The following TFAP2B variants were observed in gnomAD, a reference collection of about 807,000 sequenced individuals.
TFAP2B encodes the protein transcription factor AP-2-beta.
A neutral mutation model predicts 44.3 loss-of-function variants in TFAP2B; 9 were observed. The observed-to-expected ratio is 0.20, with a 90% CI of 0.12 to 0.35. The LOEUF (loss-of-function observed/expected upper bound fraction) is 0.35. TFAP2B is among the 10% of genes least tolerant of loss of function. The probability of loss-of-function intolerance (pLI) is 1.00; values close to 1 mark genes in which losing one functional copy is unlikely to be tolerated. For missense variants in TFAP2B, 509 were observed against 600.0 expected (o/e 0.85, Z 1.59); for synonymous variants, 270 against 263.8 (o/e 1.02, Z -0.23).
At chr6:50,840,078 G>T in intron 5 of TFAP2B, 78 bp from the exon 6 acceptor site, 1 of 1,586,082 alleles carries the variant, frequency 6.3e-7, no homozygotes, top group South Asian at 1.1e-5. Flanking sequence ...TACTAACAAA[G>T]CTGACAAGGG....
intron 6 of TFAP2B, among the ~76,000 whole-genome samples, chr6:50,842,069 G>A (rs1313364421): frequency 6.6e-6 from 1 of 152,186 alleles, no homozygotes; most frequent in Non-Finnish European, 1.5e-5. Context: ...ACCCATTGTG[G>A]GTCTAGGACT....
At chr6:50,838,212 C>A in intron 5 of TFAP2B, 119 bp downstream of exon 5, 1 of 925,720 alleles carries the variant, frequency 1.1e-6, no homozygotes, top group Non-Finnish European at 1.8e-6. Context: ...CTCTTATGAG[C>A]TGGATGTCAA....
At chr6:50,821,399 T>A (rs1770341279) in intron 1 of TFAP2B, among the ~76,000 whole-genome samples, 1 of 152,180 alleles carries the variant, frequency 6.6e-6, no homozygotes, top group Non-Finnish European at 1.5e-5. Flanking sequence ...GAAGCAACCC[T>A]TTTTATTTTG....
At chr6:50,824,642 T>A (rs921938209) in intron 2 of TFAP2B, among the ~76,000 whole-genome samples, 10 of 152,196 alleles carry the variant, frequency 6.6e-5, no homozygotes, top group African/African-American at 1.9e-4. Context: ...ATTAACACTC[T>A]TCTCTCCCCA....
intron 1 of TFAP2B, chr6:50,822,058 G>T (rs1360745429): frequency 1.2e-5 from 13 of 1,091,080 alleles, no homozygotes; most frequent in Non-Finnish European, 1.5e-5. Flanking sequence ...TGTCCAGCTC[G>T]CTTCTCTGCT....
At chr6:50,828,924 G>T (rs909487412) in intron 3 of TFAP2B, among the ~76,000 whole-genome samples, 2 of 152,170 alleles carry the variant, frequency 1.3e-5, no homozygotes, top group African/African-American at 4.8e-5. Flanking sequence ...TTTTCTCATG[G>T]CATATTTGGT....
intron 3 of TFAP2B, among the ~76,000 whole-genome samples, chr6:50,833,729 T>C (rs1040132538): frequency 2.6e-5 from 4 of 152,090 alleles, no homozygotes; most frequent in Non-Finnish European, 5.9e-5. Flanking sequence ...CAGGGTGGTT[T>C]ATAACATTTC....
chr6:50,827,023 T>C (rs771145839), intron 2 of TFAP2B, among the ~76,000 whole-genome samples: 1 of 152,186 alleles, frequency 6.6e-6, no homozygotes. Flanking sequence ...CGTAATTAGA[T>C]AGAAAATCAG....
chr6:50,825,091 G>C (rs1770466116), intron 2 of TFAP2B, among the ~76,000 whole-genome samples: 1 of 152,154 alleles, frequency 6.6e-6, no homozygotes, highest in Non-Finnish European at 1.5e-5. Flanking sequence ...AATGCTGTCT[G>C]TGTGTGGTCT....
intron 6 of TFAP2B, among the ~76,000 whole-genome samples, chr6:50,841,015 G>A (rs998723144): frequency 1.3e-5 from 2 of 152,242 alleles, no homozygotes; most frequent in African/African-American, 4.8e-5. Context: ...GGAGGACGCG[G>A]TTTGTCCCGT....
At position 50,846,361 on chromosome 6, in the gene TFAP2B, A is replaced by G. The variant is rs1432725307; in HGVS notation, c.*2969A>G. The G allele has an allele frequency of 1.3e-5, 2 of 152,626 alleles. No homozygotes were observed. Among genetic ancestry groups the G allele is most frequent in the Admixed American group, 1.3e-4 (2 of 15,282 alleles). 9.5% of individuals were successfully genotyped at this position (152,626 alleles called of 1,614,324 possible). On this transcript the variant is annotated 3_prime_UTR_variant, in exon 7 of 7. Transcript: ENST00000393655. ...GGTTTCCTTGGGCCTATAAATCAAT[A>G]AACAGTAGGATTAACGCAATAGTTT...
rs754244526 is a variant in TFAP2B, at chr6:50,843,383, C to G, written c.1374C>G (p.His458Gln). 2 of 1,612,398 alleles carry G rather than the reference C, an allele frequency of 1.2e-6. No individual in the cohort carries two copies. The highest frequency in any genetic ancestry group is 8.5e-7 in the Non-Finnish European group (1 of 1,179,658). ...GSKTGDKEEK[H>Q]RK ...AAACTGGCGACAAGGAGGAGAAACA[C>G]AGGAAATGAAAAATTTTTAAAAAAA... Residue 458 changes from histidine (H) to glutamine (Q), a missense_variant, in exon 7 of 7, where the codon CAC (histidine) becomes CAG (glutamine). By Grantham distance (24) the His-to-Gln change is conservative. This residue lies in a region of TFAP2B where 168 missense variants were observed against 183.2 expected (regional missense o/e 0.92). Transcript: ENST00000393655.
chr6:50,821,393 C>CAA (rs1055064639), intron 1 of TFAP2B, among the ~76,000 whole-genome samples: 1 of 152,188 alleles, frequency 6.6e-6, no homozygotes, highest in African/African-American at 2.4e-5. Context: ...AATGATGAAG[C>CAA]AACCCTTTTT....
rs533089839 is a variant in TFAP2B at position 50,827,416 on chromosome 6, G to T, written c.541-1203G>T. ...CTCACTTTTCTGAGAACAAAAGAGT[G>T]ACTATTAAAAATGAAAAGAAACAAA... On this transcript the variant is annotated intron_variant, in intron 2 of 6. Transcript: ENST00000393655. Among the ~76,000 whole-genome samples the T allele has an allele frequency of 2.0e-5, 3 of 152,290 alleles. No individual in the cohort carries two copies. The East Asian group carries it at 5.8e-4, about 29-fold the overall frequency.
chr6:50,827,349 T>C (rs966899687), intron 2 of TFAP2B, among the ~76,000 whole-genome samples: 2 of 152,252 alleles, frequency 1.3e-5, no homozygotes, highest in Non-Finnish European at 2.9e-5. Context: ...GCATGGCATG[T>C]TGCAGCAAGG....
At chr6:50,836,803 GTT>G (rs1157821241) in intron 4 of TFAP2B, among the ~76,000 whole-genome samples, 1 of 152,192 alleles carries the variant, frequency 6.6e-6, no homozygotes, top group African/African-American at 2.4e-5. Context: ...CTGTAACCCA[GTT>G]TGATAAACTC....
intron 5 of TFAP2B, among the ~76,000 whole-genome samples, chr6:50,838,298 T>C (rs1762661591): frequency 6.6e-6 from 1 of 152,148 alleles, no homozygotes; most frequent in African/African-American, 2.4e-5. Context: ...AAGGGAAGTA[T>C]TTGAGAGTTC....
upstream of TFAP2B, chr6:50,818,839 G>C: frequency 6.5e-7 from 1 of 1,548,270 alleles, no homozygotes; most frequent in South Asian, 1.1e-5. Context: ...ATTATAGATG[G>C]ATCATTACAG....
intron 1 of TFAP2B, 54 bp downstream of exon 1, chr6:50,819,026 C>A: frequency 1.4e-6 from 2 of 1,451,334 alleles, no homozygotes; most frequent in East Asian, 2.3e-5. Flanking sequence ...AGAATTTGAG[C>A]TTCTTGATAC....
Sources: allele counts gnomAD v4.1 joint callset (sites outside exome capture counted in the v4.1 genomes callset), GRCh38; gene constraint gnomAD v4.1.1; regional missense constraint gnomAD v4.1.1; transcripts MANE v1.5; gene names NCBI Gene and HGNC (gene_info 2026-07-23, HGNC 2026-07-21).